PLCB2: variants seen among roughly 807,000 people sequenced by gnomAD.
The protein encoded by PLCB2 is 1-phosphatidylinositol 4,5-bisphosphate phosphodiesterase beta-2.
In PLCB2, 115 loss-of-function variants were observed where a neutral mutation model predicts 141.7. That is an observed-to-expected ratio of 0.81 (90% confidence interval 0.70 to 0.95). PLCB2 has a LOEUF of 0.95. Ranked by LOEUF, PLCB2 falls within the 40% of genes least tolerant of loss-of-function variation. The pLI is 0.00. For missense variants in PLCB2, 1,403 were observed against 1,541.1 expected (o/e 0.91, Z 1.50); for synonymous variants, 603 against 595.6 (o/e 1.01, Z -0.18).
In PLCB2 at chr15:40,303,320, T is replaced by C. The variant is rs758467165; in HGVS notation, c.199A>G (p.Thr67Ala). 167 of 1,613,712 alleles carry C rather than the reference T, an allele frequency of 1.0e-4. 2 individuals carry two copies. In the South Asian group the frequency reaches 1.7e-3, roughly 16 times the overall value. ...EFLDITSIRD[T>A]RFGKFAKMPK... ...ATCTTGGCAAACTTCCCAAAGCGAG[T>C]ATCCCGGATGCTGGTGATATCCAGA... The change falls in exon 3 of 32, where the codon ACT (threonine) becomes GCT (alanine). Residue 67 changes from threonine (T) to alanine (A), a missense_variant. Transcript: ENST00000260402.
Position 40,290,084 on chromosome 15 carries a change from T to G in PLCB2, c.3210-2A>C. The G allele has an allele frequency of 1.2e-6, 2 of 1,602,324 alleles. No homozygotes were observed. The highest frequency in any genetic ancestry group is 1.7e-6 in the Non-Finnish European group (2 of 1,169,442). ...GAGTTGTTAATCTCTCTCTTCAACCTGTTGGTGTAATTGGAGTTTTAGAAA... is the reference window on the plus strand; with the variant it reads ...GAGTTGTTAATCTCTCTCTTCAACCGGTTGGTGTAATTGGAGTTTTAGAAA... On this transcript the variant is annotated splice_acceptor_variant, in intron 29 of 31. Transcript: ENST00000260402. LOFTEE classifies it high-confidence loss of function.
At chr15:40,306,447 G>A (rs1440562746) in intron 1 of PLCB2, among the ~76,000 whole-genome samples, 1 of 152,154 alleles carries the variant, frequency 6.6e-6, no homozygotes, top group Non-Finnish European at 1.5e-5. Context: ...GCCCAGTCAG[G>A]TTACACACAC....
chr15:40,293,777 C>T, intron 19 of PLCB2, 53 bp from the exon 20 acceptor site: 1 of 1,584,072 alleles, frequency 6.3e-7, no homozygotes, highest in Non-Finnish European at 8.6e-7. Flanking sequence ...CAGGCTCTTC[C>T]CCAAGCATCT....
intron 1 of PLCB2, among the ~76,000 whole-genome samples, chr15:40,305,011 T>G (rs910283554): frequency 6.6e-6 from 1 of 152,160 alleles, no homozygotes; most frequent in African/African-American, 2.4e-5. Flanking sequence ...CAGAGGTGGT[T>G]AGAGTACAGG....
Position 40,288,800 on chromosome 15 carries a change from G to A in PLCB2, c.3473C>T (p.Pro1158Leu). The A allele has an allele frequency of 6.2e-7, 1 of 1,613,982 alleles. No homozygotes were observed. Among genetic ancestry groups the A allele is most frequent in the Non-Finnish European group, 8.5e-7 (1 of 1,179,840 alleles). Residue 1158 changes from proline (P) to leucine (L), a missense_variant, in exon 32 of 32, where the codon CCT becomes CTT. Pro to Leu is a moderately conservative substitution (Grantham distance 98). Around this residue, in one of 4 missense-constraint regions of PLCB2, gnomAD observed 132 missense variants for 132.4 expected, o/e 1.00. Coordinates refer to ENST00000260402, the MANE Select transcript of PLCB2 (RefSeq NM_004573.3). ...TGGGGGGCACTCGCAGGCCCTCTCAGGCTTGTCCTTGGCCTCGGAGGGAAA... is the reference window on the plus strand; with the variant it reads ...TGGGGGGCACTCGCAGGCCCTCTCAAGCTTGTCCTTGGCCTCGGAGGGAAA... ...TCFPSEAKDK[P>L]ERACECPPEL... is the part of the protein sequence containing the mutation.
chr15:40,298,418 C>A, intron 10 of PLCB2, 38 bp from the exon 11 acceptor site: 1 of 1,573,744 alleles, frequency 6.4e-7, no homozygotes. Context: ...GGGCATCACC[C>A]AAAGGCAGCC....
chr15:40,294,891 G>A (rs534000610), intron 18 of PLCB2, 45 bp downstream of exon 18: 22 of 1,612,536 alleles, frequency 1.4e-5, no homozygotes, highest in Middle Eastern at 1.7e-4. Flanking sequence ...GGTGGGGGGC[G>A]CAGGGACCAG....
At chr15:40,296,224 G>A in intron 16 of PLCB2, 72 bp downstream of exon 16, 1 of 1,181,352 alleles carries the variant, frequency 8.5e-7, no homozygotes, top group Non-Finnish European at 1.2e-6. Flanking sequence ...TTTATAGGCA[G>A]GGCCCCAAGT....
chr15:40,290,016 C>G lies in PLCB2; in HGVS notation c.3267+9G>C. 1 of 1,500,658 alleles carries G rather than the reference C, an allele frequency of 6.7e-7. No individual in the cohort carries two copies. The allele number at this position is 1,500,658 out of a possible 1,614,324, so 93.0% of individuals were successfully genotyped here. On this transcript the variant is annotated intron_variant, in intron 30 of 31. Transcript: ENST00000260402. ...GTGTGTGTTTAGGAAGGACACAGCC[C>G]TTACACACCTGCTTGATCACCTGCA...
At chr15:40,290,931 G>A (rs1252636123) in intron 27 of PLCB2, 87 bp downstream of exon 27, 8 of 1,405,408 alleles carry the variant, frequency 5.7e-6, no homozygotes, top group Non-Finnish European at 7.7e-6. Context: ...CGGTGAGGGG[G>A]TTGGGTCGGT....
At chr15:40,302,663 T>C in intron 3 of PLCB2, 54 bp from the exon 4 acceptor site, 1 of 1,596,560 alleles carries the variant, frequency 6.3e-7, no homozygotes, top group South Asian at 1.1e-5. Flanking sequence ...CCCTGCCCAG[T>C]GTGGCTCTCT....
chr15:40,303,777 A>G lies in PLCB2; in HGVS notation c.162+224T>C, dbSNP rs7164348. 3,316 of 533,614 alleles carry G rather than the reference A, an allele frequency of 6.2e-3. 98 individuals carry two copies. The highest frequency in any genetic ancestry group is 0.056 in the African/African-American group (2,980 of 52,936). The allele number at this position is 533,614 out of a possible 1,614,324, so 33.1% of individuals were successfully genotyped here. A position where few individuals can be genotyped will look rare whatever the true frequency, so the allele number is the denominator to read the frequency against. On this transcript the variant is annotated intron_variant, in intron 2 of 31. Transcript: ENST00000260402. Reference sequence around the variant, plus strand: ...CTTTCGCCTGTCTCTCTCTCTCCCCAAGGGATGCTAAGGATGGAACATTTG... The same window carrying G: ...CTTTCGCCTGTCTCTCTCTCTCCCCGAGGGATGCTAAGGATGGAACATTTG...
At position 40,292,047 on chromosome 15, in the gene PLCB2, G is replaced by A. The variant is rs530320621; in HGVS notation, c.2526+17C>T. 4.3e-6 allele frequency: 7 copies of A among 1,611,430 alleles called. No homozygotes were observed. Among genetic ancestry groups the A allele is most frequent in the Middle Eastern group, 1.7e-4 (1 of 6,060 alleles). On this transcript the variant is annotated intron_variant, in intron 23 of 31. Coordinates refer to ENST00000260402, the MANE Select transcript of PLCB2 (RefSeq NM_004573.3). Reference sequence around the variant, plus strand: ...AATCTCTGGTGAGCCCCTGGCAGCAGTGCAGGCAACACAGACCTCAGGCAG... The same window carrying A: ...AATCTCTGGTGAGCCCCTGGCAGCAATGCAGGCAACACAGACCTCAGGCAG...
rs921094080 is a variant in PLCB2, at chr15:40,294,301, T to C, written c.2026A>G (p.Ile676Val). ...AGGGTGGTGGCCACCACCACGTCGA[T>C]GCGGTCCACTGAGAAGGGGTTGAAC... ...KQFNPFSVDRIDVVVATTLSI... is the reference protein window; with the variant it reads ...KQFNPFSVDRVDVVVATTLSI... The change falls in exon 19 of 32, where the codon ATC (isoleucine) becomes GTC (valine). Residue 676 changes from isoleucine to valine, a missense_variant. Ile to Val is a conservative substitution (Grantham distance 29). This residue lies in a region of PLCB2 where 975 missense variants were observed against 1,141.1 expected (regional missense o/e 0.85). Transcript: ENST00000260402. 1.2e-6 allele frequency: 2 copies of C among 1,613,946 alleles called. No homozygotes were observed. The highest frequency in any genetic ancestry group is 1.7e-6 in the Non-Finnish European group (2 of 1,180,030).
rs770464531 is a variant in PLCB2, at chr15:40,288,776, G to T, written c.3497C>A (p.Pro1166Gln). 2 of 1,613,716 alleles carry T rather than the reference G, an allele frequency of 1.2e-6. No individual in the cohort carries two copies. Among genetic ancestry groups the T allele is most frequent in the South Asian group, 1.1e-5 (1 of 91,068 alleles). ...DKPERACECP[P>Q]ELCEQDPLIA... ...GAGTGGGTCCTGCTCACACAGCTCT[G>T]GGGGGCACTCGCAGGCCCTCTCAGG... The change falls in exon 32 of 32, where the codon CCA (proline) becomes CAA (glutamine). Residue 1166 changes from proline to glutamine, a missense_variant. By Grantham distance (76) the Pro-to-Gln change is moderately conservative. Transcript: ENST00000260402.
At chr15:40,307,551 C>T (rs1207238289) in intron 1 of PLCB2, 38 bp downstream of exon 1, 3 of 1,364,820 alleles carry the variant, frequency 2.2e-6, no homozygotes, top group Non-Finnish European at 3.1e-6. Context: ...GCCCCCACCA[C>T]CTGGTGCTCC....
chr15:40,298,890 C>G lies in PLCB2; in HGVS notation c.758G>C (p.Arg253Pro), dbSNP rs748125161. The change falls in exon 9 of 32, where the codon CGG becomes CCG. Residue 253 changes from arginine to proline, a missense_variant. Arg to Pro is a moderately radical substitution (Grantham distance 103). Around this residue, in one of 4 missense-constraint regions of PLCB2, gnomAD observed 975 missense variants for 1,141.1 expected, o/e 0.85. Transcript: ENST00000260402. ...TGGCGGGAACAGCAGGGAGTTAAGCCGGGAGTCCCGCTGTTTCTGGTTGAT... is the reference window on the plus strand; with the variant it reads ...TGGCGGGAACAGCAGGGAGTTAAGCGGGGAGTCCCGCTGTTTCTGGTTGAT... ...KFINQKQRDS[R>P]LNSLLFPPAR... The G allele has an allele frequency of 6.2e-7, 1 of 1,611,594 alleles. No homozygotes were observed.
intron 7 of PLCB2, chr15:40,301,534 C>G: frequency 1.4e-6 from 1 of 702,954 alleles, no homozygotes; most frequent in Non-Finnish European, 2.6e-6. Context: ...CAGTTCCTCT[C>G]CCTCGACACG....
chr15:40,298,151 A>T (rs183088473), intron 11 of PLCB2, 72 bp downstream of exon 11: 1 of 1,465,396 alleles, frequency 6.8e-7, no homozygotes, highest in African/African-American at 1.4e-5. Flanking sequence ...CAGCCCTCCA[A>T]CCCCTCAAAG....
Sources: allele counts gnomAD v4.1 joint callset (sites outside exome capture counted in the v4.1 genomes callset), GRCh38; gene constraint gnomAD v4.1.1; regional missense constraint gnomAD v4.1.1; transcripts MANE v1.5; gene names NCBI Gene and HGNC (gene_info 2026-07-23, HGNC 2026-07-21).